FNDC1: variants seen among roughly 807,000 people sequenced by gnomAD.
FNDC1 encodes fibronectin type III domain-containing protein 1.
FNDC1 carries 96 observed loss-of-function variants against 168.0 expected under a neutral mutation model. The observed-to-expected ratio is 0.57, with a 90% CI of 0.48 to 0.68. FNDC1 has a LOEUF of 0.68. FNDC1 is among the 30% of genes least tolerant of loss of function. FNDC1 has a pLI of 0.00. For missense variants in FNDC1, 2,587 were observed against 2,482.1 expected, an observed-to-expected ratio of 1.04 and a Z score of -0.90; for synonymous variants, 1,099 against 1,025.9, an observed-to-expected ratio of 1.07 and a Z score of -1.36.
intron 1 of FNDC1, among the ~76,000 whole-genome samples, chr6:159,183,295 C>T (rs1781921364): frequency 6.6e-6 from 1 of 152,210 alleles, no homozygotes; most frequent in Non-Finnish European, 1.5e-5. Context: ...GGGTTCTTTT[C>T]AGCCTTGACT....
chr6:159,218,176 C>CTGTTGT (rs1025388245), intron 5 of FNDC1: 1 of 152,196 alleles, frequency 6.6e-6, no homozygotes, highest in Non-Finnish European at 1.5e-5. Context: ...CTGGCTGGAT[C>CTGTTGT]TGTTGTTGTT....
At position 159,200,504 on chromosome 6, in the gene FNDC1, C is replaced by G. The variant is rs778336680; in HGVS notation, c.392-9C>G. On this transcript the variant is annotated splice_polypyrimidine_tract_variant and intron_variant, in intron 3 of 22. Coordinates refer to ENST00000297267, the MANE Select transcript of FNDC1 (RefSeq NM_032532.3). ...TTTCTAACTATCAAGTTGCATTTCC[C>G]TAATTTAGGAGGTGAATGGATCGAG... 15 of 1,592,288 alleles carry G rather than the reference C, an allele frequency of 9.4e-6. No homozygotes were observed. Among genetic ancestry groups the G allele is most frequent in the Admixed American group, 7.0e-5 (4 of 57,228 alleles).
At chr6:159,238,364 C>T (rs1004316558) in intron 12 of FNDC1, among the ~76,000 whole-genome samples, 190 bp from the exon 13 acceptor site, 5 of 152,142 alleles carry the variant, frequency 3.3e-5, no homozygotes, top group Admixed American at 6.6e-5. Context: ...GGATTACAAG[C>T]GTGAGCCACC....
At chr6:159,236,437 A>G in intron 12 of FNDC1, 122 bp downstream of exon 12, 1 of 664,010 alleles carries the variant, frequency 1.5e-6, no homozygotes, top group Non-Finnish European at 2.6e-6. Flanking sequence ...AGTTTTAACT[A>G]CTTATATGTA....
At position 159,209,814 on chromosome 6, in the gene FNDC1, T is replaced by G. The variant is rs138811837; in HGVS notation, c.461-5131T>G. Among the ~76,000 whole-genome samples, 439 of 152,344 alleles carry G rather than the reference T, an allele frequency of 2.9e-3. 2 individuals carry two copies. Among genetic ancestry groups the G allele is most frequent in the African/African-American group, 0.01 (423 of 41,572 alleles). Reference sequence around the variant, plus strand: ...TTCTTTCTCTTTTTCATCCTTTTTTTCCTGCTTTTAAGACCTCTTCTTCCA... The same window carrying G: ...TTCTTTCTCTTTTTCATCCTTTTTTGCCTGCTTTTAAGACCTCTTCTTCCA... On this transcript the variant is annotated intron_variant, in intron 4 of 22. Transcript: ENST00000297267.
At chr6:159,180,998 G>A (rs1255637408) in intron 1 of FNDC1, among the ~76,000 whole-genome samples, 2 of 152,170 alleles carry the variant, frequency 1.3e-5, no homozygotes, top group Non-Finnish European at 2.9e-5. Context: ...TATAGACCCA[G>A]TAATTAGGTT....
At chr6:159,256,829 T>C (rs1322630322) in intron 18 of FNDC1, among the ~76,000 whole-genome samples, 198 bp downstream of exon 18, 1 of 152,250 alleles carries the variant, frequency 6.6e-6, no homozygotes, top group Non-Finnish European at 1.5e-5. Flanking sequence ...GTATTGTCAT[T>C]GTTAGGCTAC....
At chr6:159,254,657 G>A (rs1014225961) in intron 17 of FNDC1, among the ~76,000 whole-genome samples, 1 of 145,320 alleles carries the variant, frequency 6.9e-6, no homozygotes, top group Admixed American at 7.1e-5. Flanking sequence ...GCAATGAGCC[G>A]AGATAGTGCC....
intron 1 of FNDC1, among the ~76,000 whole-genome samples, chr6:159,170,685 T>C (rs1213013194): frequency 1.3e-5 from 2 of 152,106 alleles, no homozygotes; most frequent in Admixed American, 6.6e-5. Context: ...ACTTCAGGGG[T>C]AAAGGAAGAA....
chr6:159,232,901 G>T lies in FNDC1; in HGVS notation c.2389G>T (p.Gly797Cys), dbSNP rs1175457226. ...ESHGDGDRED[G>C]GRQAEATAQT... ...CCACGGTGACGGCGATAGGGAAGAC[G>T]GCGGAAGGCAGGCGGAGGCCACGGC... Residue 797 changes from glycine (G) to cysteine (C), a missense_variant, in exon 11 of 23, where the codon GGC (glycine) becomes TGC (cysteine). Coordinates refer to ENST00000297267, the MANE Select transcript of FNDC1 (RefSeq NM_032532.3). The surrounding 1 kb of genome is among the most constrained non-coding windows in gnomAD (Gnocchi z 4.9). 6.2e-7 allele frequency: 1 copy of T among 1,612,600 alleles called. No homozygotes were observed. Among genetic ancestry groups the T allele is most frequent in the South Asian group, 1.1e-5 (1 of 90,994 alleles).
chr6:159,180,288 C>G (rs145699652), intron 1 of FNDC1, among the ~76,000 whole-genome samples: 1 of 152,096 alleles, frequency 6.6e-6, no homozygotes, highest in Non-Finnish European at 1.5e-5. Context: ...GTAAAGACAC[C>G]GGTCATATGG....
At chr6:159,248,793 T>G (rs922905380) in intron 15 of FNDC1, among the ~76,000 whole-genome samples, 1 of 152,236 alleles carries the variant, frequency 6.6e-6, no homozygotes, top group Non-Finnish European at 1.5e-5. Context: ...CATATGTGTT[T>G]CTTTTTGCCC....
At chr6:159,249,211 C>T in intron 16 of FNDC1, 29 bp downstream of exon 16, 1 of 1,584,774 alleles carries the variant, frequency 6.3e-7, no homozygotes, top group Non-Finnish European at 8.6e-7. Flanking sequence ...ATCAGAGAAA[C>T]ATGGGTTTTT....
At chr6:159,256,238 C>T (rs1488901176) in intron 17 of FNDC1, among the ~76,000 whole-genome samples, 2 of 152,086 alleles carry the variant, frequency 1.3e-5, no homozygotes, top group Non-Finnish European at 2.9e-5. Flanking sequence ...CAAGATGAGA[C>T]GTGATTAGTT....
intron 1 of FNDC1, among the ~76,000 whole-genome samples, chr6:159,191,409 A>G (rs945397116): frequency 1.3e-5 from 2 of 152,248 alleles, no homozygotes; most frequent in African/African-American, 4.8e-5. Context: ...TTACTTGAGT[A>G]ATTTTCTCCA....
At chr6:159,219,869 G>A (rs378933) in intron 5 of FNDC1, among the ~76,000 whole-genome samples, 70,260 of 151,962 alleles carry the variant, frequency 0.46, 17,769 homozygotes, top group African/African-American at 0.66. Context: ...GGACTGTGAG[G>A]TCGAATGGCC....
intron 5 of FNDC1, among the ~76,000 whole-genome samples, 200 bp from the exon 6 acceptor site, chr6:159,221,398 A>G (rs566145261): frequency 6.6e-6 from 1 of 152,196 alleles, no homozygotes; most frequent in Admixed American, 6.5e-5. Context: ...TTCTAACATA[A>G]TAGTGTTCTT....
chr6:159,266,019 C>T (rs1777585179), intron 20 of FNDC1, 65 bp from the exon 21 acceptor site: 1 of 1,557,994 alleles, frequency 6.4e-7, no homozygotes, highest in Non-Finnish European at 8.8e-7. Context: ...AATTTCCTGG[C>T]ACTTTGTGTG....
intron 1 of FNDC1, among the ~76,000 whole-genome samples, chr6:159,177,239 C>T (rs1006774382): frequency 2.0e-5 from 3 of 152,166 alleles, no homozygotes; most frequent in Non-Finnish European, 4.4e-5. Flanking sequence ...GAGACTTTCA[C>T]TAAGTCTGCA....
Sources: gnomAD v4.1 joint callset for allele counts (sites outside exome capture counted in the v4.1 genomes callset) on GRCh38, gnomAD v4.1.1 for gene constraint, Gnocchi (gnomAD v3.1) non-coding constraint, MANE v1.5 for transcripts, NCBI Gene and HGNC (gene_info 2026-07-23, HGNC 2026-07-21) for gene names.